ARHGAP15: variants seen among roughly 807,000 people sequenced by gnomAD.
ARHGAP15 encodes Rho GTPase activating protein 15, also known as rho GTPase-activating protein 15.
A neutral mutation model predicts 63.7 loss-of-function variants in ARHGAP15; 51 were observed. That is an observed-to-expected ratio of 0.80 (90% CI 0.64 to 1.01). ARHGAP15 has a LOEUF of 1.01. ARHGAP15 is among the 50% of genes least tolerant of loss of function. The pLI is 0.00. For synonymous variants in ARHGAP15, 191 were observed against 193.8 expected (o/e 0.99, Z 0.12); for missense variants, 560 against 564.6 (o/e 0.99, Z 0.08).
chr2:143,440,806 T>C (rs1479402472), intron 8 of ARHGAP15, among the ~76,000 whole-genome samples: 1 of 151,684 alleles, frequency 6.6e-6, no homozygotes, highest in Non-Finnish European at 1.5e-5. Context: ...GGGATGAGAG[T>C]AGGAGAGCAG....
rs748347537 is a variant in ARHGAP15 at position 143,313,140 on chromosome 2, TACTG to T, written c.474+62543_474+62546del. On this transcript the variant is annotated intron_variant, in intron 6 of 13. Coordinates refer to ENST00000295095, the MANE Select transcript of ARHGAP15 (RefSeq NM_018460.4). ...ACTCAGGAGAGTTAAAAAAGAAAAA[TACTG>T]ACAAGATGAGAGAGAAAAAAAGAAA... Among the ~76,000 whole-genome samples, 36 of 151,646 alleles carry T rather than the reference TACTG, an allele frequency of 2.4e-4. 1 individual carries two copies. Among genetic ancestry groups the T allele is most frequent in the Admixed American group, 1.2e-3 (18 of 15,220 alleles).
At chr2:143,452,476 T>C (rs1201132583) in intron 8 of ARHGAP15, among the ~76,000 whole-genome samples, 1 of 151,888 alleles carries the variant, frequency 6.6e-6, no homozygotes, top group Admixed American at 6.6e-5. Flanking sequence ...GTCTCTTGGA[T>C]TGGGCGCATT....
intron 9 of ARHGAP15, among the ~76,000 whole-genome samples, chr2:143,505,679 C>T (rs1178273578): frequency 1.3e-5 from 2 of 152,178 alleles, no homozygotes; most frequent in East Asian, 3.8e-4. Context: ...ATCACACCTC[C>T]ATGGAACTAG....
intron 13 of ARHGAP15, among the ~76,000 whole-genome samples, chr2:143,755,678 GAA>G (rs2105536883): frequency 6.6e-6 from 1 of 152,216 alleles, no homozygotes; most frequent in African/African-American, 2.4e-5. Context: ...AGTCACTGCA[GAA>G]AGTGTCTAAA....
intron 6 of ARHGAP15, among the ~76,000 whole-genome samples, chr2:143,280,709 C>G (rs1455963636): frequency 6.6e-6 from 1 of 152,096 alleles, no homozygotes; most frequent in Non-Finnish European, 1.5e-5. Flanking sequence ...AAGAGGAGTG[C>G]TGACATTAGC....
At chr2:143,506,667 C>T (rs1026373075) in intron 9 of ARHGAP15, among the ~76,000 whole-genome samples, 6 of 152,072 alleles carry the variant, frequency 3.9e-5, no homozygotes, top group African/African-American at 1.2e-4. Context: ...CCACAATGTA[C>T]GTCAACAGTC....
At chr2:143,494,601 T>C (rs1692734696) in intron 9 of ARHGAP15, among the ~76,000 whole-genome samples, 1 of 152,246 alleles carries the variant, frequency 6.6e-6, no homozygotes, top group African/African-American at 2.4e-5. Context: ...ATCAATTTCA[T>C]CTATGGTCCT....
At chr2:143,526,889 T>C (rs1016520709) in intron 10 of ARHGAP15, among the ~76,000 whole-genome samples, 6 of 152,146 alleles carry the variant, frequency 3.9e-5, no homozygotes, top group Non-Finnish European at 8.8e-5. Flanking sequence ...TGATTAAAAA[T>C]AATCAACTTT....
intron 13 of ARHGAP15, among the ~76,000 whole-genome samples, chr2:143,719,875 G>A (rs982314454): frequency 6.6e-5 from 10 of 152,136 alleles, no homozygotes; most frequent in Admixed American, 6.6e-4. Context: ...TCACAGAAAT[G>A]TACCCTTCAT....
chr2:143,510,660 TGTG>T (rs1693543458), intron 9 of ARHGAP15, among the ~76,000 whole-genome samples: 1 of 152,206 alleles, frequency 6.6e-6, no homozygotes, highest in Non-Finnish European at 1.5e-5. Context: ...GCCACAGTGT[TGTG>T]TTTTTCCGTT....
chr2:143,156,496 A>G (rs1293108452), intron 2 of ARHGAP15, among the ~76,000 whole-genome samples: 1 of 151,920 alleles, frequency 6.6e-6, no homozygotes, highest in Non-Finnish European at 1.5e-5. Flanking sequence ...CTGCAGAAAC[A>G]TGTGAGCTAT....
intron 4 of ARHGAP15, 69 bp downstream of exon 4, chr2:143,216,514 G>C: frequency 3.3e-6 from 4 of 1,198,828 alleles, no homozygotes; most frequent in Non-Finnish European, 4.9e-6. Context: ...TTGTGCCACT[G>C]TTATTGTTTG....
chr2:143,441,376 C>T (rs1689874381), intron 8 of ARHGAP15, among the ~76,000 whole-genome samples: 1 of 152,106 alleles, frequency 6.6e-6, no homozygotes, highest in Admixed American at 6.6e-5. Flanking sequence ...TAGAAAGGAG[C>T]CAAGAAACAC....
At chr2:143,718,563 G>A (rs1684911769) in intron 13 of ARHGAP15, among the ~76,000 whole-genome samples, 1 of 152,106 alleles carries the variant, frequency 6.6e-6, no homozygotes, top group Non-Finnish European at 1.5e-5. Flanking sequence ...ATTGCCCTTG[G>A]TATAGAGGTT....
intron 2 of ARHGAP15, among the ~76,000 whole-genome samples, chr2:143,178,757 C>A (rs1171570705): frequency 6.6e-6 from 1 of 152,128 alleles, no homozygotes; most frequent in Non-Finnish European, 1.5e-5. Context: ...CTGCGTCAGG[C>A]CCATTTTTCT....
chr2:143,478,024 C>A (rs1691905445), intron 8 of ARHGAP15, among the ~76,000 whole-genome samples: 1 of 152,186 alleles, frequency 6.6e-6, no homozygotes, highest in Admixed American at 6.5e-5. Flanking sequence ...AAAGACACAG[C>A]TAGGTTGCTA....
intron 6 of ARHGAP15, among the ~76,000 whole-genome samples, chr2:143,308,695 C>T (rs558754353): frequency 6.6e-5 from 10 of 151,924 alleles, no homozygotes; most frequent in South Asian, 6.2e-4. Context: ...AGTAAGTCAA[C>T]GGAGAAGTGC....
At chr2:143,568,511 A>T (rs1158729494) in intron 11 of ARHGAP15, among the ~76,000 whole-genome samples, 2 of 152,186 alleles carry the variant, frequency 1.3e-5, no homozygotes, top group African/African-American at 4.8e-5. Context: ...AAGTCAGGAA[A>T]CAACAGATGT....
intron 6 of ARHGAP15, among the ~76,000 whole-genome samples, chr2:143,305,191 G>A (rs541718761): frequency 6.6e-5 from 10 of 152,098 alleles, no homozygotes; most frequent in African/African-American, 2.4e-4. Context: ...CATGGATGAA[G>A]CTGGAAACCA....
Sources: allele counts gnomAD v4.1 joint callset (sites outside exome capture counted in the v4.1 genomes callset), GRCh38; gene constraint gnomAD v4.1.1; transcripts MANE v1.5; gene names NCBI Gene and HGNC (gene_info 2026-07-23, HGNC 2026-07-21).